ASIC2: variants seen among roughly 807,000 people sequenced by gnomAD.
The protein encoded by ASIC2 is acid-sensing ion channel 2.
Under a neutral mutation model 57.3 loss-of-function variants are expected in ASIC2, and 25 were observed. That is an observed-to-expected ratio of 0.44 (90% CI 0.32 to 0.61). ASIC2 has a LOEUF of 0.61. ASIC2 is among the 20% of genes least tolerant of loss of function. The pLI, the probability that ASIC2 is intolerant of heterozygous loss-of-function variation, is 0.06. For missense variants in ASIC2, 641 were observed against 738.1 expected, an observed-to-expected ratio of 0.87 and a Z score of 1.52; for synonymous variants, 319 against 307.5, an observed-to-expected ratio of 1.04 and a Z score of -0.39.
chr17:33,990,479 G>T (rs1174037554), intron 1 of ASIC2, among the ~76,000 whole-genome samples: 1 of 152,222 alleles, frequency 6.6e-6, no homozygotes, highest in Non-Finnish European at 1.5e-5. Context: ...CATAAGCACA[G>T]TTGAGATCAA....
chr17:33,413,913 G>A (rs1403228678), intron 1 of ASIC2, among the ~76,000 whole-genome samples: 1 of 152,190 alleles, frequency 6.6e-6, no homozygotes, highest in Non-Finnish European at 1.5e-5. Context: ...TGCAAGCTCT[G>A]CAGGGGCAAA....
intron 1 of ASIC2, among the ~76,000 whole-genome samples, chr17:33,258,368 G>T (rs1011978098): frequency 8.5e-5 from 13 of 152,180 alleles, no homozygotes; most frequent in African/African-American, 2.9e-4. Flanking sequence ...CAAGAGTCAG[G>T]AGTGATCCAT....
intron 1 of ASIC2, among the ~76,000 whole-genome samples, chr17:33,842,492 A>G (rs1913468793): frequency 6.6e-6 from 1 of 152,214 alleles, no homozygotes; most frequent in Admixed American, 6.5e-5. Flanking sequence ...GCAAATATCC[A>G]GGAGATGGAG....
intron 1 of ASIC2, among the ~76,000 whole-genome samples, chr17:33,832,443 G>T (rs1026513316): frequency 2.6e-5 from 4 of 152,182 alleles, no homozygotes; most frequent in Non-Finnish European, 2.9e-5. Context: ...TGACCAGAAG[G>T]CCTAATGACA....
At chr17:33,873,357 T>A (rs1266545530) in intron 1 of ASIC2, among the ~76,000 whole-genome samples, 1 of 152,196 alleles carries the variant, frequency 6.6e-6, no homozygotes, top group Non-Finnish European at 1.5e-5. Context: ...GAATGGGTGA[T>A]TGACTGGAGG....
At chr17:33,396,176 C>G (rs1467409953) in intron 1 of ASIC2, among the ~76,000 whole-genome samples, 2 of 152,110 alleles carry the variant, frequency 1.3e-5, no homozygotes, top group Non-Finnish European at 2.9e-5. Context: ...GAAACAGACC[C>G]AGAGAGGGGC....
At chr17:33,776,312 T>G (rs1911276388) in intron 1 of ASIC2, among the ~76,000 whole-genome samples, 1 of 152,194 alleles carries the variant, frequency 6.6e-6, no homozygotes. Flanking sequence ...CTCAGGGAAC[T>G]TCTTCATCCT....
intron 2 of ASIC2, among the ~76,000 whole-genome samples, chr17:33,092,923 C>A (rs2092163328): frequency 6.6e-6 from 1 of 152,196 alleles, no homozygotes; most frequent in African/African-American, 2.4e-5. Context: ...TTGCTTATGT[C>A]TGCTGTTCCC....
rs557561116 is a variant in ASIC2 at position 33,473,231 on chromosome 17, C to T, written c.556-361164G>A. On this transcript the variant is annotated intron_variant, in intron 1 of 9. Transcript: ENST00000359872. ...GACTATGGCATAATATCCATCTGTTCGGTTCCTTCTCCAGGCGAGAATGCT... is the reference window on the plus strand; with the variant it reads ...GACTATGGCATAATATCCATCTGTTTGGTTCCTTCTCCAGGCGAGAATGCT... 2.4e-4 allele frequency among the ~76,000 whole-genome samples: 36 copies of T among 152,354 alleles called. 1 individual carries two copies. The highest frequency in any genetic ancestry group is 4.6e-4 in the African/African-American group (19 of 41,590).
At chr17:34,076,536 T>C (rs1284948215) in intron 1 of ASIC2, among the ~76,000 whole-genome samples, 3 of 152,182 alleles carry the variant, frequency 2.0e-5, no homozygotes, top group African/African-American at 7.2e-5. Context: ...CTGAAAAAAG[T>C]ATATCCCAGG....
intron 1 of ASIC2, among the ~76,000 whole-genome samples, chr17:33,195,235 C>T (rs1259286989): frequency 6.6e-6 from 1 of 152,158 alleles, no homozygotes; most frequent in African/African-American, 2.4e-5. Context: ...TCTGCACAGC[C>T]TAAAAACTCA....
intron 1 of ASIC2, among the ~76,000 whole-genome samples, chr17:33,870,421 A>G (rs1914372765): frequency 6.6e-6 from 1 of 151,614 alleles, no homozygotes; most frequent in Non-Finnish European, 1.5e-5. Context: ...TCCTCATCAC[A>G]GCCCACAACA....
intron 1 of ASIC2, chr17:34,070,325 C>T (rs551444157): frequency 6.6e-6 from 1 of 152,022 alleles, no homozygotes; most frequent in Admixed American, 6.5e-5. Flanking sequence ...TACTGAGTAT[C>T]AGGTTTGGGG....
intron 1 of ASIC2, among the ~76,000 whole-genome samples, chr17:33,578,866 T>C (rs1439224966): frequency 6.6e-6 from 1 of 152,184 alleles, no homozygotes; most frequent in Non-Finnish European, 1.5e-5. Context: ...GTCTGTGACC[T>C]GAAACAGTGA....
At chr17:33,166,783 C>T (rs1042975576) in intron 1 of ASIC2, among the ~76,000 whole-genome samples, 1 of 152,192 alleles carries the variant, frequency 6.6e-6, no homozygotes, top group Non-Finnish European at 1.5e-5. Context: ...AACGGTATTG[C>T]ATAAAGGCTG....
chr17:33,875,979 T>C (rs1914536602), intron 1 of ASIC2, among the ~76,000 whole-genome samples: 1 of 152,084 alleles, frequency 6.6e-6, no homozygotes, highest in Admixed American at 6.5e-5. Context: ...TGTGCTACTT[T>C]AAAAGAAAAT....
At chr17:33,707,426 T>C (rs972592547) in intron 1 of ASIC2, among the ~76,000 whole-genome samples, 16 of 152,298 alleles carry the variant, frequency 1.1e-4, no homozygotes, top group African/African-American at 3.6e-4. Flanking sequence ...CATTACTTTG[T>C]CTTTTTATTC....
chr17:33,110,406 T>C (rs2092252597), intron 2 of ASIC2, among the ~76,000 whole-genome samples: 1 of 152,154 alleles, frequency 6.6e-6, no homozygotes, highest in Non-Finnish European at 1.5e-5. Flanking sequence ...TTCGTCCCTC[T>C]GCATCTGGAA....
chr17:33,428,459 A>G (rs1567858056), intron 1 of ASIC2, among the ~76,000 whole-genome samples: 1 of 152,220 alleles, frequency 6.6e-6, no homozygotes, highest in Non-Finnish European at 1.5e-5. Context: ...AACTTGGTTT[A>G]CGCTGTGAGT....
Sources: gnomAD v4.1 joint callset for allele counts (sites outside exome capture counted in the v4.1 genomes callset) on GRCh38, gnomAD v4.1.1 for gene constraint, MANE v1.5 for transcripts, NCBI Gene and HGNC (gene_info 2026-07-23, HGNC 2026-07-21) for gene names.